Variants in COL19A1 observed in about 807,000 individuals in gnomAD.
The protein encoded by COL19A1 is collagen alpha-1(XIX) chain.
Under a neutral mutation model 190.2 loss-of-function variants are expected in COL19A1, and 159 were observed. The observed-to-expected ratio is 0.84, with a 90% CI of 0.73 to 0.95. The LOEUF is 0.95. Among genes scored for constraint, COL19A1 ranks in the 40% least tolerant of loss-of-function variants. The pLI is 0.00. For synonymous variants in COL19A1, 509 were observed against 458.9 expected (o/e 1.11, Z -1.39); for missense variants, 1,418 against 1,431.9 (o/e 0.99, Z 0.16).
At chr6:69,966,925 T>C (rs988675122) in intron 11 of COL19A1, among the ~76,000 whole-genome samples, 5 of 152,118 alleles carry the variant, frequency 3.3e-5, no homozygotes, top group Non-Finnish European at 7.3e-5. Flanking sequence ...AAACAGCAAA[T>C]AGACAATGAA....
chr6:70,176,519 G>T lies in COL19A1; in HGVS notation c.2623-1G>T. ...GTAGCAATGTTTTTAAATCCCAACA[G>T]GGAGATCGAGGCCCAGCAGGTCCCC... On this transcript the variant is annotated splice_acceptor_variant, in intron 41 of 50. Transcript: ENST00000620364. LOFTEE classifies it high-confidence loss of function. 6.2e-7 allele frequency: 1 copy of T among 1,613,500 alleles called. No individual in the cohort carries two copies. The highest frequency in any genetic ancestry group is 8.5e-7 in the Non-Finnish European group (1 of 1,179,712).
intron 14 of COL19A1, among the ~76,000 whole-genome samples, chr6:70,036,650 A>G (rs1047470427): frequency 5.3e-5 from 8 of 152,000 alleles, no homozygotes; most frequent in Admixed American, 1.3e-4. Context: ...CTAATGGAAA[A>G]GAGGACAGTT....
At chr6:70,035,152 A>G (rs1199408186) in intron 13 of COL19A1, among the ~76,000 whole-genome samples, 9 of 152,232 alleles carry the variant, frequency 5.9e-5, no homozygotes, top group Non-Finnish European at 1.3e-4. Flanking sequence ...CAGGGCTTCC[A>G]TAATGTGCAG....
chr6:70,107,221 G>A (rs1269566654), intron 16 of COL19A1, among the ~76,000 whole-genome samples: 1 of 152,102 alleles, frequency 6.6e-6, no homozygotes, highest in African/African-American at 2.4e-5. Flanking sequence ...GTTCAACTAA[G>A]ATTATTCTTC....
chr6:69,884,892 T>A (rs1768811072), intron 2 of COL19A1, among the ~76,000 whole-genome samples: 1 of 151,780 alleles, frequency 6.6e-6, no homozygotes. Flanking sequence ...AGTCTCGCTC[T>A]GTTGCCCAAG....
At chr6:69,925,603 T>A (rs1772319903) in intron 4 of COL19A1, among the ~76,000 whole-genome samples, 1 of 152,186 alleles carries the variant, frequency 6.6e-6, no homozygotes, top group Non-Finnish European at 1.5e-5. Context: ...TTTAAAGTAG[T>A]TTTTTCCAAT....
At chr6:69,956,117 A>G (rs1021262401) in intron 9 of COL19A1, among the ~76,000 whole-genome samples, 3 of 152,004 alleles carry the variant, frequency 2.0e-5, no homozygotes, top group African/African-American at 7.2e-5. Flanking sequence ...ATACATACAC[A>G]CATATACATA....
At chr6:70,185,273 A>G (rs1178035142) in intron 46 of COL19A1, among the ~76,000 whole-genome samples, 1 of 152,202 alleles carries the variant, frequency 6.6e-6, no homozygotes, top group Non-Finnish European at 1.5e-5. Flanking sequence ...TCAGGGGCAG[A>G]TAATTGTTGT....
chr6:69,997,245 T>G (rs569444085), intron 11 of COL19A1, among the ~76,000 whole-genome samples: 1 of 152,244 alleles, frequency 6.6e-6, no homozygotes, highest in African/African-American at 2.4e-5. Flanking sequence ...CTTATGGACT[T>G]GAGGTGCTAT....
rs760013034 is a variant in COL19A1 at position 69,879,488 on chromosome 6, G to A, written c.-32-48G>A. The A allele has an allele frequency of 8.5e-5, 88 of 1,036,398 alleles. 1 individual carries two copies. The highest frequency in any genetic ancestry group is 2.1e-4 in the Middle Eastern group (1 of 4,726). 64.2% of individuals were successfully genotyped at this position (1,036,398 alleles called of 1,614,324 possible). ...TAACATTTTCTGGAGATGTTGAAAGGAGCTGCATACAATAAACTTTATTCA... is the reference window on the plus strand; with the variant it reads ...TAACATTTTCTGGAGATGTTGAAAGAAGCTGCATACAATAAACTTTATTCA... On this transcript the variant is annotated intron_variant, in intron 1 of 50. Transcript: ENST00000620364.
intron 2 of COL19A1, 86 bp downstream of exon 2, chr6:69,879,744 G>A (rs992545604): frequency 1.2e-5 from 14 of 1,172,182 alleles, no homozygotes; most frequent in Non-Finnish European, 1.6e-5. Context: ...GATTGAAAAG[G>A]CCATAGATTA....
intron 11 of COL19A1, among the ~76,000 whole-genome samples, chr6:69,986,047 A>G (rs555457406): frequency 2.4e-4 from 36 of 152,106 alleles, no homozygotes; most frequent in African/African-American, 8.7e-4. Context: ...TGTCTTGCTT[A>G]GTCATGAAAA....
intron 11 of COL19A1, among the ~76,000 whole-genome samples, chr6:69,991,474 C>T (rs181040106): frequency 9.7e-4 from 148 of 152,212 alleles, no homozygotes; most frequent in African/African-American, 3.4e-3. Flanking sequence ...CTGCTTTTCA[C>T]AGTGGCTGAA....
chr6:69,898,255 T>C (rs1319012306), intron 2 of COL19A1, among the ~76,000 whole-genome samples: 1 of 152,208 alleles, frequency 6.6e-6, no homozygotes, highest in African/African-American at 2.4e-5. Context: ...CTGAATTAAC[T>C]GAATTAGCCT....
At chr6:70,177,911 T>C (rs1475428345) in intron 42 of COL19A1, among the ~76,000 whole-genome samples, 1 of 152,260 alleles carries the variant, frequency 6.6e-6, no homozygotes, top group Non-Finnish European at 1.5e-5. Context: ...GAAAAAATAC[T>C]GGCCACCATT....
chr6:70,187,268 T>C (rs1027952773), intron 46 of COL19A1, among the ~76,000 whole-genome samples: 1 of 152,188 alleles, frequency 6.6e-6, no homozygotes, highest in South Asian at 2.1e-4. Context: ...ATCTTTTCAA[T>C]GGTTCTCCCT....
intron 31 of COL19A1, among the ~76,000 whole-genome samples, chr6:70,153,271 C>T (rs1440410726): frequency 6.6e-6 from 1 of 152,096 alleles, no homozygotes; most frequent in Non-Finnish European, 1.5e-5. Flanking sequence ...AGTCTTTAGA[C>T]AATTTGATCA....
At position 70,068,440 on chromosome 6, in the gene COL19A1, A is replaced by G. The variant is rs1466174852; in HGVS notation, c.1188A>G (p.Gln396=). 1 of 1,600,006 alleles carries G rather than the reference A, an allele frequency of 6.2e-7. No homozygotes were observed. The highest frequency in any genetic ancestry group is 1.7e-4 in the Middle Eastern group (1 of 6,020). The part of the protein sequence containing the change: ...PPALPGSLGI[Q]GPQGPPGKEG... ...CCTCATAGGGTTCCCTGGGGATACA[A>G]GGCCCCCAAGGTCCACCTGGAAAAG... Residue 396 remains glutamine, a synonymous_variant, in exon 15 of 51, where the codon CAA becomes CAG. Coordinates refer to ENST00000620364, the MANE Select transcript of COL19A1 (RefSeq NM_001858.6).
At chr6:69,880,688 A>G (rs1197974538) in intron 2 of COL19A1, among the ~76,000 whole-genome samples, 1 of 152,150 alleles carries the variant, frequency 6.6e-6, no homozygotes, top group Non-Finnish European at 1.5e-5. Flanking sequence ...AATTCACATG[A>G]AAGTTTGAAT....
Sources: allele counts gnomAD v4.1 joint callset (sites outside exome capture counted in the v4.1 genomes callset), GRCh38; gene constraint gnomAD v4.1.1; transcripts MANE v1.5; gene names NCBI Gene and HGNC (gene_info 2026-07-23, HGNC 2026-07-21).